Variants in SLC35D4 observed in about 807,000 individuals in gnomAD.
SLC35D4 encodes solute carrier family 35 member D4.
chr18:23,434,889 G>A, the SLC35D4 span, among the ~76,000 whole-genome samples: 1 of 152,150 alleles, frequency 6.6e-6, no homozygotes, highest in African/African-American at 2.4e-5. Flanking sequence ...CAGGAGTGGT[G>A]GCTCATGACT....
At chr18:23,352,129 C>G in the SLC35D4 span, 2 of 1,414,416 alleles carry the variant, frequency 1.4e-6, no homozygotes, top group Admixed American at 4.2e-5. Context: ...TTCACATTAC[C>G]CAGGTTCTGA....
At chr18:23,363,535 C>T in the SLC35D4 span, among the ~76,000 whole-genome samples, 2 of 151,594 alleles carry the variant, frequency 1.3e-5, no homozygotes, top group South Asian at 2.1e-4. Flanking sequence ...CCACCACGCC[C>T]GGCTAATTTT....
At chr18:23,356,510 C>A in the SLC35D4 span, 1 of 1,413,136 alleles carries the variant, frequency 7.1e-7, no homozygotes, top group South Asian at 1.2e-5. This position sits in a 1 kb window ranked among gnomAD's most constrained non-coding sequence, Gnocchi z 4.1. Flanking sequence ...TCACTCAGGT[C>A]ACTAGCAGTG....
chr18:23,423,041 G>A, the SLC35D4 span, among the ~76,000 whole-genome samples: 2 of 152,272 alleles, frequency 1.3e-5, no homozygotes, highest in South Asian at 2.1e-4. Flanking sequence ...AAGTCACTTG[G>A]GTGTGACACA....
the SLC35D4 span, among the ~76,000 whole-genome samples, chr18:23,364,922 A>G: frequency 0.019 from 43 of 2,238 alleles, 7 homozygotes; most frequent in Non-Finnish European, 0.15. Flanking sequence ...AAAAAAAAAA[A>G]AAAAAAAAAA....
chr18:23,379,625 C>G, the SLC35D4 span, among the ~76,000 whole-genome samples: 2 of 152,318 alleles, frequency 1.3e-5, no homozygotes, highest in South Asian at 2.1e-4. Flanking sequence ...TCCTGGGATA[C>G]AGAGAGTAAA....
At chr18:23,355,029 C>T in the SLC35D4 span, among the ~76,000 whole-genome samples, 1 of 152,152 alleles carries the variant, frequency 6.6e-6, no homozygotes, top group Non-Finnish European at 1.5e-5. Context: ...CGTGCCCCTC[C>T]TGAGCCCCCC....
chr18:23,294,290 G>A, the SLC35D4 span, among the ~76,000 whole-genome samples: 1 of 152,200 alleles, frequency 6.6e-6, no homozygotes, highest in Non-Finnish European at 1.5e-5. Flanking sequence ...AATAAAGGGA[G>A]AGTGTGGGCT....
chr18:23,359,828 A>G, the SLC35D4 span, among the ~76,000 whole-genome samples: 1 of 152,198 alleles, frequency 6.6e-6, no homozygotes, highest in Admixed American at 6.5e-5. Context: ...AAGGGGCCCC[A>G]TACAAATAGG....
chr18:23,407,614 C>A, the SLC35D4 span, among the ~76,000 whole-genome samples: 16 of 151,682 alleles, frequency 1.1e-4, no homozygotes, highest in Admixed American at 5.9e-4. Context: ...AAATGGCCAA[C>A]AAACATATGA....
chr18:23,260,448 A>C, the SLC35D4 span: 11 of 152,372 alleles, frequency 7.2e-5, 1 homozygote, highest in East Asian at 2.1e-3. Flanking sequence ...CCCCAACAGC[A>C]AATAAAACTG....
the SLC35D4 span, among the ~76,000 whole-genome samples, chr18:23,316,200 A>G: frequency 1.3e-5 from 2 of 152,176 alleles, no homozygotes; most frequent in Admixed American, 1.3e-4. Context: ...CTACCTCTCC[A>G]GGGACGGGCG....
chr18:23,298,909 G>A, the SLC35D4 span, among the ~76,000 whole-genome samples: 1 of 152,166 alleles, frequency 6.6e-6, no homozygotes, highest in African/African-American at 2.4e-5. Flanking sequence ...ACGCTCACCT[G>A]CAACACACGC....
the SLC35D4 span, among the ~76,000 whole-genome samples, chr18:23,437,371 G>A: frequency 6.6e-6 from 1 of 152,110 alleles, no homozygotes; most frequent in Non-Finnish European, 1.5e-5. Flanking sequence ...CTATTTAAAG[G>A]CTTCTGGAAC....
chr18:23,388,022 T>C, the SLC35D4 span, among the ~76,000 whole-genome samples: 1 of 152,224 alleles, frequency 6.6e-6, no homozygotes, highest in Non-Finnish European at 1.5e-5. Context: ...GACAGGTTAA[T>C]CACATGACAC....
the SLC35D4 span, among the ~76,000 whole-genome samples, chr18:23,406,598 G>A: frequency 6.6e-6 from 1 of 152,144 alleles, no homozygotes; most frequent in Non-Finnish European, 1.5e-5. Flanking sequence ...ACCTCCCACT[G>A]AACTACACCC....
the SLC35D4 span, among the ~76,000 whole-genome samples, chr18:23,355,735 A>G: frequency 2.6e-5 from 4 of 152,156 alleles, no homozygotes; most frequent in Non-Finnish European, 5.9e-5. Flanking sequence ...TGATTTTTAC[A>G]TAGCAATTCT....
At chr18:23,274,884 C>T in the SLC35D4 span, among the ~76,000 whole-genome samples, 20 of 152,256 alleles carry the variant, frequency 1.3e-4, no homozygotes, top group South Asian at 4.1e-3. Context: ...ACACAAGTCC[C>T]TGCGGCAGGC....
chr18:23,404,067 G>A, the SLC35D4 span, among the ~76,000 whole-genome samples: 2 of 152,040 alleles, frequency 1.3e-5, no homozygotes, highest in African/African-American at 4.8e-5. Flanking sequence ...GCAGTGAGCC[G>A]AGACTGTGCC....
Sources: gnomAD v4.1 joint callset for allele counts (sites outside exome capture counted in the v4.1 genomes callset) on GRCh38, gnomAD v4.1.1 for gene constraint, Gnocchi (gnomAD v3.1) non-coding constraint, MANE v1.5 for transcripts, NCBI Gene and HGNC (gene_info 2026-07-23, HGNC 2026-07-21) for gene names.